The following ADA2 variants were observed in gnomAD, a reference collection of about 807,000 sequenced individuals.
The protein encoded by ADA2 is adenosine deaminase CECR1.
Under a neutral mutation model 44.2 loss-of-function variants are expected in ADA2, and 29 were observed. The ratio of observed to expected loss-of-function variants is 0.66; its 90% confidence interval spans 0.49 to 0.89. The LOEUF (loss-of-function observed/expected upper bound fraction) is 0.89. ADA2 is among the 40% of genes least tolerant of loss of function. The probability of loss-of-function intolerance (pLI) is 0.00; values close to 1 mark genes in which losing one functional copy is unlikely to be tolerated. For synonymous variants in ADA2, 215 were observed against 234.9 expected (o/e 0.92, Z 0.77); for missense variants, 637 against 644.8 (o/e 0.99, Z 0.13).
chr22:17,196,334 A>T (rs1322449973), intron 4 of ADA2, among the ~76,000 whole-genome samples: 2 of 151,794 alleles, frequency 1.3e-5, no homozygotes, highest in Non-Finnish European at 2.9e-5. Flanking sequence ...AAAAAAAAAA[A>T]AAAAAAGGAA....
chr22:17,217,989 T>A (rs1601472229), intron 1 of ADA2, among the ~76,000 whole-genome samples: 1 of 152,290 alleles, frequency 6.6e-6, no homozygotes, highest in Non-Finnish European at 1.5e-5. Flanking sequence ...CGTCTCCAGA[T>A]CTCAGTGTCC....
Position 17,181,452 on chromosome 22 carries a change from G to T in ADA2, c.*31C>A. 1 of 1,418,056 alleles carries T rather than the reference G, an allele frequency of 7.1e-7. No individual in the cohort carries two copies. The allele number at this position is 1,418,056 out of a possible 1,614,324, so 87.8% of individuals were successfully genotyped here. On this transcript the variant is annotated 3_prime_UTR_variant, in exon 10 of 10. Transcript: ENST00000399837. ...GAGGAAGTGACAGCGTGTGCAAGAA[G>T]ACAGCTTGTAGAGGGCTGGCTAGCT...
At chr22:17,195,910 G>A (rs1166689662) in intron 4 of ADA2, among the ~76,000 whole-genome samples, 4 of 151,906 alleles carry the variant, frequency 2.6e-5, no homozygotes, top group Non-Finnish European at 5.9e-5. Context: ...ACCACGCCTG[G>A]CTATTTTTTT....
At chr22:17,213,130 A>G (rs999927674) in intron 1 of ADA2, among the ~76,000 whole-genome samples, 1 of 152,034 alleles carries the variant, frequency 6.6e-6, no homozygotes, top group Non-Finnish European at 1.5e-5. Flanking sequence ...AATCAAAACT[A>G]CAATGAGATC....
Position 17,182,025 on chromosome 22 carries a change from GC to G in ADA2, c.1240-4del. On this transcript the variant is annotated splice_polypyrimidine_tract_variant and splice_region_variant and intron_variant, in intron 8 of 9. Transcript: ENST00000399837. ...AAGTCAGACACCAGTTTCAGCACCT[GC>G]GCAATAGGAGGGAAGGGAGAAAGAT... 6.2e-7 allele frequency: 1 copy of G among 1,611,448 alleles called. No individual in the cohort carries two copies. Among genetic ancestry groups the G allele is most frequent in the Non-Finnish European group, 8.5e-7 (1 of 1,178,010 alleles).
upstream of ADA2, chr22:17,221,840 T>G (rs2062525793): frequency 6.6e-6 from 1 of 152,220 alleles, no homozygotes; most frequent in Non-Finnish European, 1.5e-5. Context: ...TTATTGGCCC[T>G]CTGTGGCTAA....
chr22:17,208,852 A>G (rs879314542), intron 2 of ADA2, among the ~76,000 whole-genome samples: 4,449 of 142,490 alleles, frequency 0.031, 178 homozygotes, highest in East Asian at 0.078. Flanking sequence ...TTTGGGGAAC[A>G]GGGTCTTGCT....
intron 5 of ADA2, 61 bp from the exon 6 acceptor site, chr22:17,190,093 G>A: frequency 2.3e-6 from 3 of 1,313,084 alleles, no homozygotes; most frequent in Non-Finnish European, 3.3e-6. Context: ...ACAAACCCCA[G>A]AGCACACCCT....
At chr22:17,214,951 G>A (rs1385617581) in intron 1 of ADA2, among the ~76,000 whole-genome samples, 1 of 152,156 alleles carries the variant, frequency 6.6e-6, no homozygotes, top group East Asian at 1.9e-4. Context: ...ACATCACACG[G>A]AGCCTGTCTG....
chr22:17,218,467 T>C (rs2062493499), intron 1 of ADA2, among the ~76,000 whole-genome samples: 1 of 152,096 alleles, frequency 6.6e-6, no homozygotes, highest in African/African-American at 2.4e-5. Flanking sequence ...ACCACGGTGT[T>C]TGCCTGCTAC....
At chr22:17,209,889 A>ATTTTTT in intron 1 of ADA2, 166 bp from the exon 2 acceptor site, 2 of 401,936 alleles carry the variant, frequency 5.0e-6, no homozygotes, top group South Asian at 3.7e-5. Flanking sequence ...GGGTTTCCCA[A>ATTTTTT]TTTTTTTTTT....
At chr22:17,192,753 C>T (rs1436216133) in intron 4 of ADA2, among the ~76,000 whole-genome samples, 2 of 151,584 alleles carry the variant, frequency 1.3e-5, no homozygotes, top group African/African-American at 4.8e-5. Flanking sequence ...CGCTTGAACC[C>T]GGGAGGCAGA....
chr22:17,188,480 C>T, intron 6 of ADA2, 33 bp from the exon 7 acceptor site: 1 of 1,486,562 alleles, frequency 6.7e-7, no homozygotes, highest in Non-Finnish European at 9.4e-7. Context: ...GAGGTGTCTG[C>T]AGGGCGCATG....
At chr22:17,216,699 G>A (rs749257701) in intron 1 of ADA2, among the ~76,000 whole-genome samples, 4 of 151,192 alleles carry the variant, frequency 2.6e-5, no homozygotes, top group Non-Finnish European at 4.4e-5. Flanking sequence ...GGCAGAGGTT[G>A]CAGTGAGCCG....
chr22:17,182,100 GC>G, intron 8 of ADA2, 78 bp from the exon 9 acceptor site: 1 of 1,126,218 alleles, frequency 8.9e-7, no homozygotes, highest in Non-Finnish European at 1.3e-6. Context: ...GAGACCTTGA[GC>G]CCCATCAGCT....
At chr22:17,184,983 A>ATATATATATATATATATATAT (rs559045610) in intron 7 of ADA2, among the ~76,000 whole-genome samples, 10 of 78,706 alleles carry the variant, frequency 1.3e-4, no homozygotes, top group African/African-American at 5.6e-4. Flanking sequence ...CCCATGTCAA[A>ATATATATATATATATATATAT]ATATATATAT....
rs781416927 is a variant in ADA2 at position 17,182,648 on chromosome 22, A to C, written c.1195T>G (p.Trp399Gly). 1 of 1,614,202 alleles carries C rather than the reference A, an allele frequency of 6.2e-7. No individual in the cohort carries two copies. Among genetic ancestry groups the C allele is most frequent in the Non-Finnish European group, 8.5e-7 (1 of 1,180,036 alleles). The change falls in exon 8 of 10, where the codon TGG becomes GGG. Residue 399 changes from tryptophan to glycine, a missense_variant. Transcript: ENST00000399837. ...SKHPAVRTYS[W>G]KKDIPIEVCP... is the part of the protein sequence containing the mutation. ...ACTTCTATGGGGATGTCCTTTTTCC[A>C]GGAGTAAGTCCTGACTGCGGGGTGT...
chr22:17,181,953 C>A lies in ADA2; in HGVS notation c.1309G>T (p.Val437Leu). The stretch of plus-strand genomic sequence containing the variant: ...ATAGCTGGGTCATCAGAGCTGATCA[C>A]CATGGGGTGCCCAGTGGCCATCAGA... The part of the protein sequence containing the change: ...ATLMATGHPM[V>L]ISSDDPAMFG... Residue 437 changes from valine (V) to leucine (L), a missense_variant, in exon 9 of 10, where the codon GTG becomes TTG. By Grantham distance (32) the Val-to-Leu change is conservative (BLOSUM62 1). Coordinates refer to ENST00000399837, the MANE Select transcript of ADA2 (RefSeq NM_001282225.2). 6.2e-7 allele frequency: 1 copy of A among 1,614,170 alleles called. No individual in the cohort carries two copies. Among genetic ancestry groups the A allele is most frequent in the Non-Finnish European group, 8.5e-7 (1 of 1,180,020 alleles).
chr22:17,209,574 G>A lies in ADA2; in HGVS notation c.104C>T (p.Ala35Val), dbSNP rs151283756. 5.7e-5 allele frequency: 92 copies of A among 1,613,926 alleles called. No individual in the cohort carries two copies. Among genetic ancestry groups the A allele is most frequent in the Middle Eastern group, 1.6e-4 (1 of 6,074 alleles). The part of the protein sequence containing the change: ...GSALSIDETR[A>V]HLLLKEKMMR... ...CATCTTTTCTTTCAACAACAGATGCGCCCGTGTTTCATCTATGGATAGAGC... is the reference window on the plus strand; with the variant it reads ...CATCTTTTCTTTCAACAACAGATGCACCCGTGTTTCATCTATGGATAGAGC... Residue 35 changes from alanine (A) to valine (V), a missense_variant, in exon 2 of 10, where the codon GCG becomes GTG. Ala to Val is a moderately conservative substitution (Grantham distance 64). Coordinates refer to ENST00000399837, the MANE Select transcript of ADA2 (RefSeq NM_001282225.2).
Sources: allele counts gnomAD v4.1 joint callset (sites outside exome capture counted in the v4.1 genomes callset), GRCh38; gene constraint gnomAD v4.1.1; transcripts MANE v1.5; gene names NCBI Gene and HGNC (gene_info 2026-07-23, HGNC 2026-07-21).